Variants in MYOM1 observed in about 807,000 individuals in gnomAD.
MYOM1 encodes the protein myomesin-1.
In MYOM1, 164 loss-of-function variants were observed where a neutral mutation model predicts 205.3. The observed-to-expected ratio is 0.80, with a 90% CI of 0.70 to 0.91. MYOM1 has a LOEUF of 0.91. Ranked by LOEUF, MYOM1 falls within the 40% of genes least tolerant of loss-of-function variation. MYOM1 has a pLI of 0.00. For missense variants in MYOM1, 2,011 were observed against 2,127.3 expected, an observed-to-expected ratio of 0.95 and a Z score of 1.08; for synonymous variants, 772 against 789.4, an observed-to-expected ratio of 0.98 and a Z score of 0.37.
chr18:3,139,254 C>CGAGTGATACAGTCCTTGTCTCT (rs1225949130), intron 14 of MYOM1, among the ~76,000 whole-genome samples: 1 of 152,196 alleles, frequency 6.6e-6, no homozygotes, highest in African/African-American at 2.4e-5. Context: ...CTGCTGTTAA[C>CGAGTGATACAGTCCTTGTCTCT]GAGTGATACA....
rs909079539 is a variant in MYOM1 at position 3,209,588 on chromosome 18, T to C, written c.290+5346A>G. Among the ~76,000 whole-genome samples, 10 of 152,222 alleles carry C rather than the reference T, an allele frequency of 6.6e-5. No individual in the cohort carries two copies. The highest frequency in any genetic ancestry group is 1.9e-4 in the African/African-American group (8 of 41,460). On this transcript the variant is annotated intron_variant, in intron 2 of 37. Transcript: ENST00000356443. The surrounding 1 kb of genome is among the most constrained non-coding windows in gnomAD (Gnocchi z 4.0). ...TCACCTTTCTGACATCCTCTCCACC[T>C]GCACTATCCATCACTCCCCCATTCC...
rs1291978729 is a variant in MYOM1, at chr18:3,190,860, G to T, written c.432-1773C>A. Among the ~76,000 whole-genome samples, 6 of 152,262 alleles carry T rather than the reference G, an allele frequency of 3.9e-5. No individual in the cohort carries two copies. In the East Asian group the frequency reaches 9.6e-4, roughly 24 times the overall value. Reference sequence around the variant, plus strand: ...GTCTTGCCCCAGGCTCCAAGTAAGAGAACTTTATGTTTAAGTTCTCATTAC... The same window carrying T: ...GTCTTGCCCCAGGCTCCAAGTAAGATAACTTTATGTTTAAGTTCTCATTAC... On this transcript the variant is annotated intron_variant, in intron 3 of 37. Transcript: ENST00000356443.
At chr18:3,092,673 T>C (rs1210758017) in intron 26 of MYOM1, among the ~76,000 whole-genome samples, 1 of 152,154 alleles carries the variant, frequency 6.6e-6, no homozygotes, top group African/African-American at 2.4e-5. Flanking sequence ...TGTCACAGAA[T>C]GAAGGCTCAG....
intron 27 of MYOM1, among the ~76,000 whole-genome samples, chr18:3,090,017 GGTTT>G (rs72324936): frequency 0.068 from 10,347 of 152,110 alleles, 371 homozygotes; most frequent in South Asian, 0.082. Context: ...ACAGTCTCAT[GGTTT>G]GTTTCTGAGA....
chr18:3,219,107 T>C lies in MYOM1; in HGVS notation c.-29+696A>G, dbSNP rs1354426916. Among the ~76,000 whole-genome samples the C allele has an allele frequency of 3.3e-5, 5 of 152,196 alleles. No homozygotes were observed. Among genetic ancestry groups the C allele is most frequent in the African/African-American group, 9.7e-5 (4 of 41,438 alleles). ...GAGGAAAGATGGTTTTAGTGTCTTT[T>C]GTTTCTTTAAGACCTAAATTTTCTT... On this transcript the variant is annotated intron_variant, in intron 1 of 37. Transcript: ENST00000356443. The surrounding 1 kb of genome is among the most constrained non-coding windows in gnomAD (Gnocchi z 4.4).
chr18:3,132,595 T>A (rs185565403), intron 16 of MYOM1, among the ~76,000 whole-genome samples: 174 of 152,282 alleles, frequency 1.1e-3, no homozygotes, highest in African/African-American at 4.0e-3. Flanking sequence ...AATAATATGA[T>A]CAATGACTAT....
At chr18:3,123,647 T>G (rs1251061102) in intron 19 of MYOM1, among the ~76,000 whole-genome samples, 3 of 151,536 alleles carry the variant, frequency 2.0e-5, no homozygotes, top group Non-Finnish European at 4.4e-5. Context: ...GTTGTTTTCT[T>G]TTGTTTTGTC....
At chr18:3,103,283 G>A (rs999273055) in intron 22 of MYOM1, among the ~76,000 whole-genome samples, 1 of 152,214 alleles carries the variant, frequency 6.6e-6, no homozygotes, top group Admixed American at 6.5e-5. Context: ...GATAGCAACT[G>A]AGAAATGACT....
chr18:3,153,293 G>A (rs546296509), intron 11 of MYOM1, among the ~76,000 whole-genome samples: 22 of 152,306 alleles, frequency 1.4e-4, no homozygotes, highest in African/African-American at 4.3e-4. Context: ...TATTACCCGC[G>A]TGATCTTAGG....
At chr18:3,078,706 G>A (rs911856111) in intron 34 of MYOM1, among the ~76,000 whole-genome samples, 7 of 152,156 alleles carry the variant, frequency 4.6e-5, no homozygotes, top group African/African-American at 1.4e-4. Context: ...AAAGTGCTAG[G>A]ATTAAAGGCC....
chr18:3,101,089 A>G (rs1213539910), intron 23 of MYOM1, among the ~76,000 whole-genome samples: 1 of 152,240 alleles, frequency 6.6e-6, no homozygotes, highest in East Asian at 1.9e-4. Flanking sequence ...AACTGGGAGA[A>G]AAAATTATCG....
At chr18:3,081,184 T>C (rs2079082170) in intron 33 of MYOM1, among the ~76,000 whole-genome samples, 1 of 152,122 alleles carries the variant, frequency 6.6e-6, no homozygotes, top group African/African-American at 2.4e-5. Context: ...TCTGCTTTGC[T>C]ATAATAAATC....
chr18:3,182,320 A>G (rs143228850), intron 5 of MYOM1, among the ~76,000 whole-genome samples: 9 of 152,252 alleles, frequency 5.9e-5, no homozygotes, highest in African/African-American at 2.2e-4. Context: ...GCATTGGGAG[A>G]TATACCTAAT....
At chr18:3,193,550 G>A (rs912954965) in intron 3 of MYOM1, among the ~76,000 whole-genome samples, 1 of 151,858 alleles carries the variant, frequency 6.6e-6, no homozygotes, top group Non-Finnish European at 1.5e-5. Flanking sequence ...CTACGTGATG[G>A]CAAAATTTCT....
chr18:3,169,072 C>CAAAAAAAA (rs59171311), intron 8 of MYOM1, 91 bp from the exon 9 acceptor site: 122 of 897,248 alleles, frequency 1.4e-4, no homozygotes, highest in South Asian at 7.8e-4. Flanking sequence ...GCAGTCACAG[C>CAAAAAAAA]AAAAAAAAAA....
intron 33 of MYOM1, among the ~76,000 whole-genome samples, chr18:3,082,552 G>A (rs2079096423): frequency 6.6e-6 from 1 of 152,172 alleles, no homozygotes; most frequent in Non-Finnish European, 1.5e-5. Context: ...CCCTCCTGGG[G>A]ATGCCATGTG....
At chr18:3,182,126 G>A (rs933730400) in intron 5 of MYOM1, among the ~76,000 whole-genome samples, 2 of 152,200 alleles carry the variant, frequency 1.3e-5, no homozygotes, top group Non-Finnish European at 2.9e-5. Context: ...TGAGTGCCGA[G>A]TGAGTGAATG....
rs574419616 is a variant in MYOM1, at chr18:3,122,676, AAC to A, written c.2992-2683_2992-2682del. Among the ~76,000 whole-genome samples the A allele has an allele frequency of 4.5e-3, 679 of 152,336 alleles. 5 individuals are homozygous for A. Among genetic ancestry groups the A allele is most frequent in the Non-Finnish European group, 7.5e-3 (512 of 68,020 alleles). On this transcript the variant is annotated intron_variant, in intron 19 of 37. Transcript: ENST00000356443. ...TGGCAAACAAAATCCAGGTGATATA[AAC>A]AGAGTATATATAGTATCCAAGTTGA...
chr18:3,159,069 A>T (rs1481822036), intron 10 of MYOM1, among the ~76,000 whole-genome samples: 1 of 152,094 alleles, frequency 6.6e-6, no homozygotes, highest in East Asian at 1.9e-4. Flanking sequence ...AGAGAAACAG[A>T]GTGTGAAAAA....
Sources: allele counts gnomAD v4.1 joint callset (sites outside exome capture counted in the v4.1 genomes callset), GRCh38; gene constraint gnomAD v4.1.1; non-coding constraint Gnocchi (gnomAD v3.1); transcripts MANE v1.5; gene names NCBI Gene and HGNC (gene_info 2026-07-23, HGNC 2026-07-21).